EPHA5: variants seen among roughly 807,000 people sequenced by gnomAD.
EPHA5 encodes the protein ephrin type-A receptor 5.
In EPHA5, 60 loss-of-function variants were observed where a neutral mutation model predicts 105.0. That is an observed-to-expected ratio of 0.57 (90% CI 0.46 to 0.71). The LOEUF is 0.71. Among genes scored for constraint, EPHA5 ranks in the 30% least tolerant of loss-of-function variants. EPHA5 has a pLI of 0.00. For missense variants in EPHA5, 1,218 were observed against 1,274.7 expected, an observed-to-expected ratio of 0.96 and a Z score of 0.68; for synonymous variants, 513 against 449.1, an observed-to-expected ratio of 1.14 and a Z score of -1.80.
At chr4:65,407,935 T>C (rs2148999816) in intron 7 of EPHA5, among the ~76,000 whole-genome samples, 1 of 151,818 alleles carries the variant, frequency 6.6e-6, no homozygotes, top group South Asian at 2.1e-4. Context: ...TTTGCATTTT[T>C]TTTTGTTTTT....
intron 2 of EPHA5, among the ~76,000 whole-genome samples, chr4:65,634,030 C>A (rs13114860): frequency 6.6e-6 from 1 of 151,862 alleles, no homozygotes; most frequent in Non-Finnish European, 1.5e-5. Flanking sequence ...GAACTGCTAA[C>A]GAGGAGGAAC....
chr4:65,611,778 AT>A (rs76657686), intron 2 of EPHA5, among the ~76,000 whole-genome samples: 31,223 of 150,496 alleles, frequency 0.21, 3,616 homozygotes, highest in Non-Finnish European at 0.25. Context: ...TTTCCATCGC[AT>A]TTTTTTTTGT....
At chr4:65,591,396 G>A (rs1436548122) in intron 3 of EPHA5, among the ~76,000 whole-genome samples, 3 of 151,628 alleles carry the variant, frequency 2.0e-5, no homozygotes, top group African/African-American at 7.3e-5. Flanking sequence ...GTTGACTGAT[G>A]AAATAAAATT....
chr4:65,487,819 C>G (rs1163000759), intron 5 of EPHA5, among the ~76,000 whole-genome samples: 1 of 152,130 alleles, frequency 6.6e-6, no homozygotes, highest in Non-Finnish European at 1.5e-5. Flanking sequence ...TTAGCTGGCT[C>G]TATGTGTATT....
Position 65,365,204 on chromosome 4 carries a change from T to G in EPHA5, c.1988-2A>C. Reference sequence around the variant, plus strand: ...CACTACAAACTTCACCAAATTCACCTTGTGATAAAGATGAAAAAAATGCAA... The same window carrying G: ...CACTACAAACTTCACCAAATTCACCGTGTGATAAAGATGAAAAAAATGCAA... On this transcript the variant is annotated splice_acceptor_variant, in intron 10 of 16. Coordinates refer to ENST00000613740, the MANE Select transcript of EPHA5 (RefSeq NM_001281766.3). LOFTEE classifies it high-confidence loss of function. 1.2e-6 allele frequency: 2 copies of G among 1,607,468 alleles called. No homozygotes were observed. The highest frequency in any genetic ancestry group is 1.1e-5 in the South Asian group (1 of 90,628).
rs548428196 is a variant in EPHA5, at chr4:65,339,730, G to T, written c.2596-3605C>A. ...CTGGAGCCTATCCCAGCAGCTCAGG[G>T]CACAAGGTGGGAAACAACCTTGGCC... On this transcript the variant is annotated intron_variant, in intron 14 of 16. Coordinates refer to ENST00000613740, the MANE Select transcript of EPHA5 (RefSeq NM_001281766.3). 1.1e-3 allele frequency among the ~76,000 whole-genome samples: 175 copies of T among 152,216 alleles called. 1 individual carries two copies. The highest frequency in any genetic ancestry group is 3.9e-3 in the African/African-American group (162 of 41,546).
intron 16 of EPHA5, among the ~76,000 whole-genome samples, chr4:65,330,337 G>C (rs945907101): frequency 6.7e-6 from 1 of 148,554 alleles, no homozygotes; most frequent in Non-Finnish European, 1.5e-5. Flanking sequence ...AGATAGGAAA[G>C]AAATAGAAAA....
In EPHA5 at chr4:65,352,564, TG is replaced by T. The variant is rs1473113459; in HGVS notation, c.2235+477del. On this transcript the variant is annotated intron_variant, in intron 12 of 16. Coordinates refer to ENST00000613740, the MANE Select transcript of EPHA5 (RefSeq NM_001281766.3). ...TCAATTACCACGTGAACTCTGCTGG[TG>T]CAAGTCGTGACGGATCTTCAGGTAG... 3.9e-5 allele frequency among the ~76,000 whole-genome samples: 6 copies of T among 152,096 alleles called. No homozygotes were observed. The East Asian group carries it at 1.2e-3, about 30-fold the overall frequency.
At chr4:65,620,716 T>C (rs571498449) in intron 2 of EPHA5, among the ~76,000 whole-genome samples, 28 of 152,290 alleles carry the variant, frequency 1.8e-4, no homozygotes, top group African/African-American at 6.7e-4. Context: ...ATCATGGTCT[T>C]GGTTGAAGTT....
rs544708008 is a variant in EPHA5, at chr4:65,359,443, A to G, written c.2173+5574T>C. Among the ~76,000 whole-genome samples the G allele has an allele frequency of 5.3e-5, 8 of 151,762 alleles. No individual in the cohort carries two copies. The South Asian group carries it at 1.7e-3, about 31-fold the overall frequency. On this transcript the variant is annotated intron_variant, in intron 11 of 16. Coordinates refer to ENST00000613740, the MANE Select transcript of EPHA5 (RefSeq NM_001281766.3). Reference sequence around the variant, plus strand: ...AGCTAAATCCAACTTTATGCACAACATCTGTAATTGTATGCTAATAGGTAT... The same window carrying G: ...AGCTAAATCCAACTTTATGCACAACGTCTGTAATTGTATGCTAATAGGTAT...
chr4:65,428,347 C>G (rs1406138007), intron 5 of EPHA5, among the ~76,000 whole-genome samples: 4 of 152,084 alleles, frequency 2.6e-5, no homozygotes, highest in African/African-American at 9.7e-5. Context: ...ATCCTTCTTA[C>G]TGTGTTGTCA....
intron 8 of EPHA5, among the ~76,000 whole-genome samples, chr4:65,396,126 G>A (rs1433000359): frequency 5.3e-5 from 8 of 152,142 alleles, no homozygotes; most frequent in Non-Finnish European, 1.2e-4. Context: ...CTGCTGCCTG[G>A]CCTCTCGCTG....
chr4:65,426,763 A>G (rs1050340137), intron 5 of EPHA5, among the ~76,000 whole-genome samples: 2 of 152,196 alleles, frequency 1.3e-5, no homozygotes, highest in East Asian at 3.9e-4. Context: ...TCTTGCTCCA[A>G]GAGTGGCTCT....
chr4:65,531,601 A>G (rs1395829605), intron 3 of EPHA5, among the ~76,000 whole-genome samples: 1 of 151,566 alleles, frequency 6.6e-6, no homozygotes, highest in Non-Finnish European at 1.5e-5. Context: ...ATGATCCAGG[A>G]ATCTGATGAT....
intron 7 of EPHA5, among the ~76,000 whole-genome samples, chr4:65,411,232 A>G (rs1026005279): frequency 5.7e-5 from 6 of 105,692 alleles, no homozygotes; most frequent in Non-Finnish European, 1.2e-4. Context: ...TAGTTTTTCT[A>G]AAAAAAAAGT....
intron 3 of EPHA5, among the ~76,000 whole-genome samples, chr4:65,518,827 C>A (rs1423255414): frequency 1.3e-5 from 2 of 151,958 alleles, no homozygotes; most frequent in South Asian, 4.2e-4. Context: ...TAATTAATAG[C>A]CTACCAACCA....
At chr4:65,476,042 C>G (rs1729762581) in intron 5 of EPHA5, among the ~76,000 whole-genome samples, 1 of 150,792 alleles carries the variant, frequency 6.6e-6, no homozygotes, top group African/African-American at 2.4e-5. Context: ...TCAGAACTTC[C>G]TACAAATGTA....
rs770962942 is a variant in EPHA5 at position 65,336,066 on chromosome 4, A to G, written c.2655T>C (p.Ala885=). ...RLPSPMDCPA[A]LYQLMLDCWQ... ...AGCAATCCAGCATTAACTGATAGAG[A>G]GCAGCAGGACAATCCATGGGGCTTG... The change falls in exon 15 of 17, where the codon GCT becomes GCC. Residue 885 remains alanine, a synonymous_variant. Transcript: ENST00000613740. 1 of 1,613,246 alleles carries G rather than the reference A, an allele frequency of 6.2e-7. No individual in the cohort carries two copies. Among genetic ancestry groups the G allele is most frequent in the East Asian group, 2.2e-5 (1 of 44,812 alleles).
chr4:65,450,043 T>C (rs1294802638), intron 5 of EPHA5, among the ~76,000 whole-genome samples: 1 of 152,142 alleles, frequency 6.6e-6, no homozygotes, highest in Non-Finnish European at 1.5e-5. Context: ...GGTATCAACA[T>C]AGATAAACGT....
Sources: gnomAD v4.1 joint callset for allele counts (sites outside exome capture counted in the v4.1 genomes callset) on GRCh38, gnomAD v4.1.1 for gene constraint, MANE v1.5 for transcripts, NCBI Gene and HGNC (gene_info 2026-07-23, HGNC 2026-07-21) for gene names.